Variants in PPP4R3A observed in about 807,000 individuals in gnomAD.
PPP4R3A encodes the protein serine/threonine-protein phosphatase 4 regulatory subunit 3A.
Under a neutral mutation model 91.7 loss-of-function variants are expected in PPP4R3A, and 15 were observed. The ratio of observed to expected loss-of-function variants is 0.16; its 90% CI spans 0.11 to 0.25. The LOEUF (loss-of-function observed/expected upper bound fraction) is 0.25. PPP4R3A is among the 10% of genes least tolerant of loss of function. The pLI, the probability that PPP4R3A is intolerant of heterozygous loss-of-function variation, is 1.00. For synonymous variants in PPP4R3A, 377 were observed against 348.7 expected, an observed-to-expected ratio of 1.08 and a Z score of -0.91; for missense variants, 623 against 998.4, an observed-to-expected ratio of 0.62 and a Z score of 5.07.
rs10525073 is a variant in PPP4R3A, at chr14:91,466,940, A to AACACACACACACACACACAC, written c.1661-1541_1661-1522dup. Among the ~76,000 whole-genome samples, 1,001 of 147,560 alleles carry AACACACACACACACACACAC rather than the reference A, an allele frequency of 6.8e-3. 11 individuals carry two copies. Among genetic ancestry groups the AACACACACACACACACACAC allele is most frequent in the South Asian group, 0.036 (163 of 4,554 alleles). Reference sequence around the variant, plus strand: ...TTTGTGGAGACTTGTGTCCTACCATAACACACACACACACACACACACACC... The same window carrying AACACACACACACACACACAC: ...TTTGTGGAGACTTGTGTCCTACCATAACACACACACACACACACACACACACACACACACACACACACACC... On this transcript the variant is annotated intron_variant, in intron 10 of 14. Coordinates refer to ENST00000554943, the MANE Select transcript of PPP4R3A (RefSeq NM_001366432.2).
Position 91,481,816 on chromosome 14 carries a change from T to C in PPP4R3A, c.675A>G (p.Glu225=), listed in dbSNP as rs775723822. Reference sequence around the variant, plus strand: ...GTGGTTGTGATAAAGCAGGATCATATTCTAAACATCCAATGACGTCCATTA... The same window carrying C: ...GTGGTTGTGATAAAGCAGGATCATACTCTAAACATCCAATGACGTCCATTA... ...ECIMDVIGCL[E]YDPALSQPRK... is the part of the protein sequence containing the mutation. The change falls in exon 4 of 15, where the codon GAA becomes GAG. Residue 225 remains glutamate (E), a synonymous_variant. Coordinates refer to ENST00000554943, the MANE Select transcript of PPP4R3A (RefSeq NM_001366432.2). 3 of 1,614,158 alleles carry C rather than the reference T, an allele frequency of 1.9e-6. No individual in the cohort carries two copies. In the East Asian group the frequency reaches 6.7e-5, roughly 36 times the overall value.
intron 1 of PPP4R3A, among the ~76,000 whole-genome samples, chr14:91,499,301 CAA>C (rs895281270): frequency 2.0e-5 from 3 of 150,986 alleles, no homozygotes; most frequent in Non-Finnish European, 4.4e-5. Flanking sequence ...GAAAACAAAA[CAA>C]AAAAAAGTCT....
rs1347260019 is a variant in PPP4R3A at position 91,473,149 on chromosome 14, A to G, written c.1399-14T>C. 6.2e-7 allele frequency: 1 copy of G among 1,613,870 alleles called. No homozygotes were observed. On this transcript the variant is annotated splice_polypyrimidine_tract_variant and intron_variant, in intron 8 of 14. Coordinates refer to ENST00000554943, the MANE Select transcript of PPP4R3A (RefSeq NM_001366432.2). ...CTTTTCTGTTTTCTAAGGAAACAAG[A>G]ACAATTCCATGAACTTTAACCACAC...
intron 1 of PPP4R3A, 136 bp downstream of exon 1, chr14:91,509,370 G>A: frequency 7.9e-7 from 1 of 1,271,814 alleles, no homozygotes; most frequent in South Asian, 1.4e-5. Flanking sequence ...CCTGGGGCCC[G>A]TCCTCCCCCG....
intron 10 of PPP4R3A, among the ~76,000 whole-genome samples, chr14:91,468,426 CT>C (rs1167007271): frequency 6.6e-6 from 1 of 152,100 alleles, no homozygotes; most frequent in Non-Finnish European, 1.5e-5. Context: ...AATCCCAGCA[CT>C]TTGGGAGGCC....
chr14:91,506,414 A>T (rs78940751), intron 1 of PPP4R3A, among the ~76,000 whole-genome samples: 2,726 of 152,332 alleles, frequency 0.018, 83 homozygotes, highest in African/African-American at 0.062. Context: ...TAAACTGCTA[A>T]AAGAGTTTGG....
chr14:91,507,394 T>TATAATTATATATAATATATA (rs1566660222), intron 1 of PPP4R3A, among the ~76,000 whole-genome samples: 1 of 59,668 alleles, frequency 1.7e-5, no homozygotes. Flanking sequence ...ATATAGTATA[T>TATAATTATATATAATATATA]GTACTATAAT....
intron 4 of PPP4R3A, among the ~76,000 whole-genome samples, chr14:91,477,964 A>G (rs961130169): frequency 1.4e-5 from 2 of 140,312 alleles, no homozygotes; most frequent in Non-Finnish European, 3.1e-5. Context: ...TTTAATTACT[A>G]CCTCAGCTAG....
chr14:91,482,300 T>A, intron 3 of PPP4R3A, 107 bp from the exon 4 acceptor site: 1 of 1,193,236 alleles, frequency 8.4e-7, no homozygotes, highest in South Asian at 1.8e-5. Context: ...CCTATAATGG[T>A]CATTTTCAAG....
Position 91,476,957 on chromosome 14 carries a change from A to G in PPP4R3A, c.945T>C (p.Phe315=). ...CTGTTGCTTCATCTGTTAGTTGTGCAAACAAATCTGTCAGAAATTTTTCAT... is the reference window on the plus strand; with the variant it reads ...CTGTTGCTTCATCTGTTAGTTGTGCGAACAAATCTGTCAGAAATTTTTCAT... ...QEDEKFLTDL[F]AQLTDEATDE... The change falls in exon 5 of 15, where the codon TTT becomes TTC. Residue 315 remains phenylalanine, a synonymous_variant. Transcript: ENST00000554943. 3.7e-6 allele frequency: 6 copies of G among 1,603,376 alleles called. No individual in the cohort carries two copies. The highest frequency in any genetic ancestry group is 3.4e-6 in the Non-Finnish European group (4 of 1,173,856).
At chr14:91,498,595 T>C (rs1890730789) in intron 1 of PPP4R3A, among the ~76,000 whole-genome samples, 1 of 152,088 alleles carries the variant, frequency 6.6e-6, no homozygotes, top group African/African-American at 2.4e-5. Context: ...CTTGGGAGTC[T>C]GCTATGGGAG....
At chr14:91,489,338 A>G (rs553226388) in intron 2 of PPP4R3A, among the ~76,000 whole-genome samples, 6 of 152,320 alleles carry the variant, frequency 3.9e-5, no homozygotes, top group African/African-American at 1.4e-4. Flanking sequence ...AGCCTTATTA[A>G]AGGCTACTAG....
At chr14:91,463,809 G>A (rs541143525) in intron 11 of PPP4R3A, among the ~76,000 whole-genome samples, 14 of 152,120 alleles carry the variant, frequency 9.2e-5, no homozygotes, top group South Asian at 4.2e-4. Context: ...TTTGTTATAC[G>A]GGTAAACTGC....
intron 2 of PPP4R3A, among the ~76,000 whole-genome samples, chr14:91,490,148 G>A (rs577126247): frequency 7.9e-5 from 12 of 152,288 alleles, no homozygotes; most frequent in South Asian, 2.1e-4. Context: ...AAGCGCACGC[G>A]CGTGTGTACT....
intron 10 of PPP4R3A, among the ~76,000 whole-genome samples, chr14:91,470,603 T>C (rs531417043): frequency 1.3e-5 from 2 of 152,328 alleles, no homozygotes; most frequent in South Asian, 2.1e-4. Flanking sequence ...AGTGCTGTTT[T>C]AGTAATGGAA....
At chr14:91,506,014 T>A (rs1447038821) in intron 1 of PPP4R3A, among the ~76,000 whole-genome samples, 2 of 152,136 alleles carry the variant, frequency 1.3e-5, no homozygotes, top group Non-Finnish European at 1.5e-5. Flanking sequence ...GTGCTGATCT[T>A]GGCTCACTGC....
chr14:91,467,126 G>C (rs992696264), intron 10 of PPP4R3A, among the ~76,000 whole-genome samples: 4 of 152,018 alleles, frequency 2.6e-5, no homozygotes, highest in Non-Finnish European at 5.9e-5. Context: ...TTTTTGTTTT[G>C]GTCCTTATTT....
Position 91,475,842 on chromosome 14 carries a change from T to G in PPP4R3A, c.1235A>C (p.Lys412Thr). 1 of 1,613,812 alleles carries G rather than the reference T, an allele frequency of 6.2e-7. No individual in the cohort carries two copies. The highest frequency in any genetic ancestry group is 8.5e-7 in the Non-Finnish European group (1 of 1,179,912). The change falls in exon 7 of 15, where the codon AAG (lysine) becomes ACG (threonine). Residue 412 changes from lysine (K) to threonine (T), a missense_variant. Coordinates refer to ENST00000554943, the MANE Select transcript of PPP4R3A (RefSeq NM_001366432.2). ...GGTTATTTTTTGCTCTGTTAACTTCTTACTTACATCATCATTCTGTTGTGC... is the reference window on the plus strand; with the variant it reads ...GGTTATTTTTTGCTCTGTTAACTTCGTACTTACATCATCATTCTGTTGTGC... ...QEAQQNDDVS[K>T]KLTEQKITSK...
chr14:91,490,659 A>G (rs890146820), intron 2 of PPP4R3A, 88 bp downstream of exon 2: 56 of 1,067,312 alleles, frequency 5.2e-5, no homozygotes, highest in Non-Finnish European at 6.1e-5. Context: ...AATCTCTTCT[A>G]AATTTTTCAC....
Sources: gnomAD v4.1 joint callset for allele counts (sites outside exome capture counted in the v4.1 genomes callset) on GRCh38, gnomAD v4.1.1 for gene constraint, MANE v1.5 for transcripts, NCBI Gene and HGNC (gene_info 2026-07-23, HGNC 2026-07-21) for gene names.